Variants in FSTL5 observed in about 807,000 individuals in gnomAD.
The protein encoded by FSTL5 is follistatin like 5.
In FSTL5, 62 loss-of-function variants were observed where a neutral mutation model predicts 89.1. The ratio of observed to expected loss-of-function variants is 0.70; its 90% CI spans 0.57 to 0.86. The LOEUF (loss-of-function observed/expected upper bound fraction) is 0.86. FSTL5 is among the 40% of genes least tolerant of loss of function. FSTL5 has a pLI of 0.00. For missense variants in FSTL5, 1,057 were observed against 1,001.6 expected (o/e 1.06, Z -0.75); for synonymous variants, 383 against 346.2 (o/e 1.11, Z -1.18).
At chr4:161,586,239 A>G (rs981426317) in intron 8 of FSTL5, among the ~76,000 whole-genome samples, 2 of 152,174 alleles carry the variant, frequency 1.3e-5, no homozygotes, top group African/African-American at 4.8e-5. Flanking sequence ...ATGACTTTCA[A>G]TGCAATGTAT....
At chr4:162,069,355 T>C (rs1332046888) in intron 2 of FSTL5, among the ~76,000 whole-genome samples, 1 of 152,014 alleles carries the variant, frequency 6.6e-6, no homozygotes, top group Admixed American at 6.6e-5. Flanking sequence ...AATTAGCATA[T>C]CTTTCCCTTT....
At chr4:161,844,096 C>T (rs374161131) in intron 4 of FSTL5, among the ~76,000 whole-genome samples, 2 of 151,872 alleles carry the variant, frequency 1.3e-5, no homozygotes, top group East Asian at 1.9e-4. Context: ...AACAAATATA[C>T]AAGAAAAAAA....
intron 4 of FSTL5, among the ~76,000 whole-genome samples, chr4:161,894,760 C>T (rs1306673956): frequency 3.3e-5 from 5 of 152,124 alleles, no homozygotes; most frequent in East Asian, 1.9e-4. Flanking sequence ...CCGTCATGCC[C>T]GGCCCAGTCA....
intron 7 of FSTL5, among the ~76,000 whole-genome samples, chr4:161,649,462 C>T (rs1736261234): frequency 6.6e-6 from 1 of 151,930 alleles, no homozygotes; most frequent in African/African-American, 2.4e-5. Context: ...TAAGAAGAGG[C>T]CTATAAAAGC....
At chr4:161,778,091 A>ATCAC (rs1469867911) in intron 4 of FSTL5, among the ~76,000 whole-genome samples, 39 of 71,598 alleles carry the variant, frequency 5.4e-4, no homozygotes, top group Admixed American at 1.4e-3. Context: ...GAGACTCCGT[A>ATCAC]TCACACACAC....
intron 3 of FSTL5, among the ~76,000 whole-genome samples, chr4:161,967,565 G>A (rs753963765): frequency 5.9e-5 from 9 of 151,848 alleles, no homozygotes; most frequent in Middle Eastern, 3.2e-3. Flanking sequence ...AAATAACTTT[G>A]TAAGTTGTTG....
chr4:161,958,057 G>GTT (rs1157320107), intron 3 of FSTL5, among the ~76,000 whole-genome samples: 1 of 151,868 alleles, frequency 6.6e-6, no homozygotes, highest in Non-Finnish European at 1.5e-5. Flanking sequence ...ATTTTAGATA[G>GTT]TTTCTATTAG....
chr4:161,649,325 G>T (rs1420463431), intron 7 of FSTL5, among the ~76,000 whole-genome samples: 1 of 152,092 alleles, frequency 6.6e-6, no homozygotes, highest in Non-Finnish European at 1.5e-5. Flanking sequence ...GACAGTTGAG[G>T]TTCTTATGAA....
At chr4:161,750,194 C>T (rs972952549) in intron 6 of FSTL5, among the ~76,000 whole-genome samples, 1 of 152,024 alleles carries the variant, frequency 6.6e-6, no homozygotes, top group Non-Finnish European at 1.5e-5. Context: ...GGAATTTGCA[C>T]TTAAATTCAT....
At chr4:161,408,385 A>G (rs1731464919) in intron 15 of FSTL5, among the ~76,000 whole-genome samples, 1 of 152,172 alleles carries the variant, frequency 6.6e-6, no homozygotes, top group Non-Finnish European at 1.5e-5. Flanking sequence ...CCCAGTACAG[A>G]CCTTTAGTCC....
intron 4 of FSTL5, among the ~76,000 whole-genome samples, chr4:161,785,651 A>T (rs1379801803): frequency 6.6e-6 from 1 of 152,156 alleles, no homozygotes; most frequent in African/African-American, 2.4e-5. Flanking sequence ...AAGGCATAAT[A>T]CTTTGGTTTG....
At chr4:161,462,776 T>A (rs1162688996) in intron 13 of FSTL5, among the ~76,000 whole-genome samples, 5 of 152,144 alleles carry the variant, frequency 3.3e-5, no homozygotes, top group Non-Finnish European at 7.4e-5. Context: ...GTTAGCATCA[T>A]AATGTTTCAA....
chr4:162,142,869 T>G (rs899209347), intron 1 of FSTL5, among the ~76,000 whole-genome samples: 2 of 152,202 alleles, frequency 1.3e-5, no homozygotes, highest in Admixed American at 6.5e-5. Context: ...CTGTGTAATC[T>G]TTCCTTCATA....
intron 3 of FSTL5, among the ~76,000 whole-genome samples, chr4:162,026,594 T>TTA (rs1339783372): frequency 1.3e-5 from 2 of 151,762 alleles, no homozygotes; most frequent in South Asian, 2.1e-4. Context: ...AGGCGTGAGC[T>TTA]TATATATATT....
At chr4:161,420,883 A>G (rs1731965526) in intron 15 of FSTL5, among the ~76,000 whole-genome samples, 1 of 150,702 alleles carries the variant, frequency 6.6e-6, no homozygotes, top group African/African-American at 2.4e-5. Flanking sequence ...GGTATTAAAT[A>G]TAAATAAATA....
intron 4 of FSTL5, among the ~76,000 whole-genome samples, chr4:161,858,201 G>A (rs1276653435): frequency 6.6e-6 from 1 of 152,078 alleles, no homozygotes; most frequent in Non-Finnish European, 1.5e-5. Flanking sequence ...TTAGCAGTCT[G>A]GAACCCAGAA....
chr4:162,102,744 C>T (rs1378845358), intron 2 of FSTL5, among the ~76,000 whole-genome samples: 2 of 141,702 alleles, frequency 1.4e-5, no homozygotes, highest in Non-Finnish European at 3.1e-5. Context: ...TTCATATATA[C>T]ACATATATAA....
At chr4:161,751,466 G>A (rs58738505) in intron 6 of FSTL5, among the ~76,000 whole-genome samples, 12,191 of 152,130 alleles carry the variant, frequency 0.08, 931 homozygotes, top group African/African-American at 0.2. Flanking sequence ...AAATAGCCAG[G>A]GGATAGCTAT....
chr4:161,784,895 A>AAAAAAAAAACAAAACAAAAC (rs1553965825), intron 4 of FSTL5, among the ~76,000 whole-genome samples: 2 of 141,964 alleles, frequency 1.4e-5, no homozygotes, highest in African/African-American at 2.7e-5. Flanking sequence ...TCCGTCTCAA[A>AAAAAAAAAACAAAACAAAAC]AAAAACAAAA....
Sources: allele counts gnomAD v4.1 joint callset (sites outside exome capture counted in the v4.1 genomes callset), GRCh38; gene constraint gnomAD v4.1.1; transcripts MANE v1.5; gene names NCBI Gene and HGNC (gene_info 2026-07-23, HGNC 2026-07-21).